Variants in SLCO5A1 observed in about 807,000 individuals in gnomAD.
SLCO5A1 encodes the protein organic anion transporter polypeptide-related protein 4.
In SLCO5A1, 39 loss-of-function variants were observed where a neutral mutation model predicts 65.1. The ratio of observed to expected loss-of-function variants is 0.60; its 90% CI spans 0.46 to 0.78. The LOEUF is 0.78. Among genes scored for constraint, SLCO5A1 ranks in the 30% least tolerant of loss-of-function variants. SLCO5A1 has a pLI of 0.00. For missense variants in SLCO5A1, 1,029 were observed against 1,069.4 expected, an observed-to-expected ratio of 0.96 and a Z score of 0.53; for synonymous variants, 438 against 415.7, an observed-to-expected ratio of 1.05 and a Z score of -0.65.
At chr8:69,750,797 T>C (rs1386583506) in intron 4 of SLCO5A1, among the ~76,000 whole-genome samples, 1 of 152,188 alleles carries the variant, frequency 6.6e-6, no homozygotes, top group Non-Finnish European at 1.5e-5. Flanking sequence ...CTTTAATACA[T>C]TTCCATCTGT....
At chr8:69,740,614 A>C (rs10089971) in intron 4 of SLCO5A1, among the ~76,000 whole-genome samples, 18,842 of 152,196 alleles carry the variant, frequency 0.12, 2,098 homozygotes, top group African/African-American at 0.3. Context: ...CCACCTAGCA[A>C]CCAATTCTTG....
intron 2 of SLCO5A1, among the ~76,000 whole-genome samples, chr8:69,772,739 C>G (rs768111876): frequency 2.6e-5 from 4 of 152,044 alleles, no homozygotes; most frequent in Admixed American, 1.3e-4. Flanking sequence ...GGGGCCCAAT[C>G]AAAACCAGCA....
chr8:69,786,430 G>A (rs566252413), intron 2 of SLCO5A1, among the ~76,000 whole-genome samples: 48 of 152,228 alleles, frequency 3.2e-4, no homozygotes, highest in South Asian at 4.1e-4. Flanking sequence ...CTAATACTAG[G>A]AGCATTTTAA....
chr8:69,806,152 C>T (rs1209459485), intron 2 of SLCO5A1, among the ~76,000 whole-genome samples: 5 of 152,192 alleles, frequency 3.3e-5, no homozygotes, highest in Non-Finnish European at 7.3e-5. Context: ...CATGTGTAAA[C>T]TTCCACTCTA....
chr8:69,826,916 G>T (rs1820946765), intron 2 of SLCO5A1, among the ~76,000 whole-genome samples: 1 of 152,056 alleles, frequency 6.6e-6, no homozygotes, highest in Non-Finnish European at 1.5e-5. Flanking sequence ...AACAATGATA[G>T]ACTGGATTAA....
At chr8:69,797,639 TC>T (rs1819559010) in intron 2 of SLCO5A1, among the ~76,000 whole-genome samples, 1 of 151,936 alleles carries the variant, frequency 6.6e-6, no homozygotes, top group Non-Finnish European at 1.5e-5. Context: ...GGGGTGGCCG[TC>T]TTTTATGGTC....
intron 2 of SLCO5A1, among the ~76,000 whole-genome samples, chr8:69,779,890 A>G (rs919083777): frequency 6.6e-6 from 1 of 152,260 alleles, no homozygotes; most frequent in East Asian, 1.9e-4. Context: ...AGGAGAAAAT[A>G]TTTGCAAAAT....
chr8:69,753,485 G>A (rs530508717), intron 4 of SLCO5A1, among the ~76,000 whole-genome samples: 4 of 152,246 alleles, frequency 2.6e-5, no homozygotes, highest in African/African-American at 9.6e-5. Context: ...ATGTGGACAG[G>A]GCATTGATAG....
intron 5 of SLCO5A1, among the ~76,000 whole-genome samples, chr8:69,721,750 G>C (rs566999137): frequency 2.3e-4 from 35 of 152,244 alleles, no homozygotes; most frequent in Non-Finnish European, 3.8e-4. Flanking sequence ...CAGAAAGGAA[G>C]ATATTTTAGA....
At position 69,809,220 on chromosome 8, in the gene SLCO5A1, A is replaced by T. The variant is rs993844228; in HGVS notation, c.907+22547T>A. Reference sequence around the variant, plus strand: ...TTTTAAGTTTTCATTTTTATCTATCAGTTTTTCTTAAAGCAAGACAAGCTT... The same window carrying T: ...TTTTAAGTTTTCATTTTTATCTATCTGTTTTTCTTAAAGCAAGACAAGCTT... On this transcript the variant is annotated intron_variant, in intron 2 of 9. Transcript: ENST00000260126. Among the ~76,000 whole-genome samples, 5 of 152,338 alleles carry T rather than the reference A, an allele frequency of 3.3e-5. No individual in the cohort carries two copies. The East Asian group carries it at 9.6e-4, about 29-fold the overall frequency.
intron 2 of SLCO5A1, among the ~76,000 whole-genome samples, chr8:69,785,097 GGAGA>G (rs377650577): frequency 1.3e-5 from 2 of 150,144 alleles, no homozygotes; most frequent in East Asian, 1.9e-4. Flanking sequence ...AGGGAAGGAC[GGAGA>G]GAGAGAGAGA....
chr8:69,682,474 A>C lies in SLCO5A1; in HGVS notation c.1623-131T>G, dbSNP rs543817712. On this transcript the variant is annotated intron_variant, in intron 6 of 9. Coordinates refer to ENST00000260126, the MANE Select transcript of SLCO5A1 (RefSeq NM_030958.3). ...CATTGAATCAAAGCCATGATACCCAAAGTAGTCATCCTCAACAATTATTTT... is the reference window on the plus strand; with the variant it reads ...CATTGAATCAAAGCCATGATACCCACAGTAGTCATCCTCAACAATTATTTT... 11 of 833,038 alleles carry C rather than the reference A, an allele frequency of 1.3e-5. No homozygotes were observed. In the African/African-American group the frequency reaches 1.9e-4, roughly 15 times the overall value. 51.6% of individuals were successfully genotyped at this position (833,038 alleles called of 1,614,324 possible). A position where few individuals can be genotyped will look rare whatever the true frequency, so the allele number is the denominator to read the frequency against.
intron 4 of SLCO5A1, among the ~76,000 whole-genome samples, chr8:69,750,478 C>G (rs1168341510): frequency 6.6e-6 from 1 of 152,122 alleles, no homozygotes; most frequent in Admixed American, 6.6e-5. Flanking sequence ...AACTCACGCT[C>G]TCCACCATGT....
At chr8:69,807,319 C>G (rs557147256) in intron 2 of SLCO5A1, among the ~76,000 whole-genome samples, 1 of 152,240 alleles carries the variant, frequency 6.6e-6, no homozygotes, top group South Asian at 2.1e-4. Flanking sequence ...ATTCGCATAC[C>G]TATTGCCTCA....
rs890194795 is a variant in SLCO5A1, at chr8:69,669,358, C to T, written c.*3511G>A. 1 of 151,998 alleles carries T rather than the reference C, an allele frequency of 6.6e-6. No individual in the cohort carries two copies. The highest frequency in any genetic ancestry group is 1.5e-5 in the Non-Finnish European group (1 of 68,016). The allele number at this position is 151,998 out of a possible 1,614,324, so 9.4% of individuals were successfully genotyped here. A position where few individuals can be genotyped will look rare whatever the true frequency, so the allele number is the denominator to read the frequency against. On this transcript the variant is annotated 3_prime_UTR_variant, in exon 10 of 10. Transcript: ENST00000260126. ...CTTTAATCTCACGATTTTATAGTCA[C>T]CTTGCCTTTGTTAACCAAAAGCTAT...
At chr8:69,785,104 G>C (rs1240230196) in intron 2 of SLCO5A1, among the ~76,000 whole-genome samples, 1 of 151,954 alleles carries the variant, frequency 6.6e-6, no homozygotes, top group Non-Finnish European at 1.5e-5. Context: ...GACGGAGAGA[G>C]AGAGAGAGAA....
Position 69,682,301 on chromosome 8 carries a change from G to C in SLCO5A1, c.1665C>G (p.Cys555Trp). The change falls in exon 7 of 10, where the codon TGC (cysteine) becomes TGG (tryptophan). Residue 555 changes from cysteine to tryptophan, a missense_variant. Cys to Trp is a radical substitution (Grantham distance 215). Coordinates refer to ENST00000260126, the MANE Select transcript of SLCO5A1 (RefSeq NM_030958.3). ...TMPHRNLTGSCNVNCGCKIHE... is the reference protein window; with the variant it reads ...TMPHRNLTGSWNVNCGCKIHE... ...GTATTTTACAACCACAATTAACGTTGCAGCTTCCTGTCAGATTCCTATGGG... is the reference window on the plus strand; with the variant it reads ...GTATTTTACAACCACAATTAACGTTCCAGCTTCCTGTCAGATTCCTATGGG... 6.2e-7 allele frequency: 1 copy of C among 1,610,752 alleles called. No individual in the cohort carries two copies. Among genetic ancestry groups the C allele is most frequent in the South Asian group, 1.1e-5 (1 of 90,376 alleles).
chr8:69,768,567 T>G (rs956710512), intron 2 of SLCO5A1, among the ~76,000 whole-genome samples: 12 of 152,220 alleles, frequency 7.9e-5, no homozygotes, highest in African/African-American at 2.9e-4. Context: ...CCATCGGCAC[T>G]GGCTTCTGAG....
chr8:69,824,979 A>G (rs1296687776), intron 2 of SLCO5A1, among the ~76,000 whole-genome samples: 1 of 152,214 alleles, frequency 6.6e-6, no homozygotes, highest in Non-Finnish European at 1.5e-5. Context: ...CAATATACGC[A>G]AATCAATAAA....
Sources: gnomAD v4.1 joint callset for allele counts (sites outside exome capture counted in the v4.1 genomes callset) on GRCh38, gnomAD v4.1.1 for gene constraint, MANE v1.5 for transcripts, NCBI Gene and HGNC (gene_info 2026-07-23, HGNC 2026-07-21) for gene names.